Variants in PTAFR observed in about 807,000 individuals in gnomAD.
PTAFR encodes platelet-activating factor receptor.
Under a neutral mutation model 14.7 loss-of-function variants are expected in PTAFR, and 8 were observed. The ratio of observed to expected loss-of-function variants is 0.54; its 90% CI spans 0.32 to 0.98. The LOEUF is 0.98. PTAFR is among the 50% of genes least tolerant of loss of function. The pLI is 0.04. For missense variants in PTAFR, 337 were observed against 451.2 expected (o/e 0.75, Z 2.29); for synonymous variants, 156 against 176.5 (o/e 0.88, Z 0.92).
intron 1 of PTAFR, among the ~76,000 whole-genome samples, chr1:28,168,604 A>G (rs1356749942): frequency 6.6e-6 from 1 of 152,148 alleles, no homozygotes; most frequent in Non-Finnish European, 1.5e-5. Context: ...AGGGGCTGGG[A>G]GGAGGGGAAA....
intron 1 of PTAFR, among the ~76,000 whole-genome samples, chr1:28,170,876 T>G (rs748464993): frequency 2.6e-5 from 4 of 151,776 alleles, no homozygotes; most frequent in Non-Finnish European, 4.4e-5. Flanking sequence ...GGTGGGCGCC[T>G]GTAGTCCCAG....
intron 1 of PTAFR, among the ~76,000 whole-genome samples, chr1:28,154,497 C>A (rs996574302): frequency 1.3e-5 from 2 of 152,062 alleles, no homozygotes; most frequent in Admixed American, 1.3e-4. Context: ...AAACAAACAC[C>A]GTTGTTATAC....
At chr1:28,176,854 G>A (rs985403454), upstream of PTAFR, 13 of 153,172 alleles carry the variant, frequency 8.5e-5, no homozygotes, top group South Asian at 4.1e-4. Context: ...TGTAGACAGC[G>A]CCCGAGGCCA....
chr1:28,186,511 C>T (rs1646607948), intron 1 of PTAFR, among the ~76,000 whole-genome samples: 1 of 152,086 alleles, frequency 6.6e-6, no homozygotes, highest in Admixed American at 6.6e-5. Flanking sequence ...AATGAAAAAG[C>T]AAAGCGCCAA....
Position 28,151,064 on chromosome 1 carries a change from A to G in PTAFR, c.-38-5T>C. Reference sequence around the variant, plus strand: ...ATCAGCTGGTCCTGGTGGTGCCTGGAAGACCACACAAAAATTCTGGTTAAT... The same window carrying G: ...ATCAGCTGGTCCTGGTGGTGCCTGGGAGACCACACAAAAATTCTGGTTAAT... On this transcript the variant is annotated splice_polypyrimidine_tract_variant and splice_region_variant and intron_variant, in intron 1 of 1. Transcript: ENST00000373857. 6.8e-7 allele frequency: 1 copy of G among 1,477,878 alleles called. No individual in the cohort carries two copies. Among genetic ancestry groups the G allele is most frequent in the Non-Finnish European group, 9.1e-7 (1 of 1,095,810 alleles). 91.5% of individuals were successfully genotyped at this position (1,477,878 alleles called of 1,614,324 possible).
chr1:28,173,398 G>T (rs1010154506), intron 1 of PTAFR, among the ~76,000 whole-genome samples: 3 of 151,932 alleles, frequency 2.0e-5, no homozygotes, highest in Admixed American at 1.3e-4. Flanking sequence ...TTGAGCACGG[G>T]AGTTCAAGAC....
At chr1:28,168,278 G>T (rs1037842117) in intron 1 of PTAFR, among the ~76,000 whole-genome samples, 1 of 151,870 alleles carries the variant, frequency 6.6e-6, no homozygotes, top group Admixed American at 6.6e-5. Context: ...GCAGAAAACA[G>T]GATCTTGAAA....
chr1:28,192,391 C>A (rs542717517), intron 1 of PTAFR, among the ~76,000 whole-genome samples: 1 of 151,916 alleles, frequency 6.6e-6, no homozygotes, highest in East Asian at 2.0e-4. Flanking sequence ...GAAACCCCGT[C>A]TCTACAAAAA....
chr1:28,192,916 C>G (rs1183040483), intron 1 of PTAFR, among the ~76,000 whole-genome samples: 1 of 152,140 alleles, frequency 6.6e-6, no homozygotes, highest in Admixed American at 6.5e-5. Flanking sequence ...TCAGTGTGCT[C>G]TAAGTCCTAG....
At chr1:28,156,428 G>C (rs1456456034) in intron 1 of PTAFR, among the ~76,000 whole-genome samples, 1 of 152,142 alleles carries the variant, frequency 6.6e-6, no homozygotes, top group Non-Finnish European at 1.5e-5. Flanking sequence ...CTTCTATTTA[G>C]CCCAACATTA....
chr1:28,179,831 G>A (rs868748594), upstream of PTAFR, among the ~76,000 whole-genome samples: 24 of 151,188 alleles, frequency 1.6e-4, no homozygotes, highest in Admixed American at 4.6e-4. Context: ...AAAAAAAAAA[G>A]AAAATATGTC....
At chr1:28,154,105 A>G (rs1311345309) in intron 1 of PTAFR, among the ~76,000 whole-genome samples, 1 of 150,936 alleles carries the variant, frequency 6.6e-6, no homozygotes, top group African/African-American at 2.4e-5. Context: ...AAAAAAAAAA[A>G]AGGGAGTGAG....
In PTAFR at chr1:28,189,897, A is replaced by G. The variant is rs148979605; in HGVS notation, c.-39+3825T>C. ...GTCAGGCTGTTCTCTAAATCCTGGA[A>G]TCAAGTGATCTGCCTGCCTTAGTCT... On this transcript the variant is annotated intron_variant, in intron 1 of 1. Transcript: ENST00000305392. Among the ~76,000 whole-genome samples the G allele has an allele frequency of 1.4e-4, 21 of 152,166 alleles. No individual in the cohort carries two copies. In the East Asian group the frequency reaches 1.9e-3, roughly 14 times the overall value.
intron 1 of PTAFR, among the ~76,000 whole-genome samples, chr1:28,162,512 C>A (rs1447000559): frequency 2.0e-5 from 3 of 152,104 alleles, no homozygotes; most frequent in Non-Finnish European, 2.9e-5. Context: ...TTGGGTCCCA[C>A]CCCAGATCTC....
In PTAFR at chr1:28,149,944, C is replaced by T. The variant is rs1019046206; in HGVS notation, c.*49G>A. On this transcript the variant is annotated 3_prime_UTR_variant, in exon 2 of 2. Coordinates refer to ENST00000373857, the MANE Select transcript of PTAFR (RefSeq NM_000952.5). ...GTAGATATCCCTTCTTCCCCCAGCT[C>T]AGTCCATGATGTTCATGGAGGAGAA... 1 of 1,563,354 alleles carries T rather than the reference C, an allele frequency of 6.4e-7. No individual in the cohort carries two copies. The highest frequency in any genetic ancestry group is 1.2e-5 in the South Asian group (1 of 82,156).
chr1:28,158,474 T>C (rs761627036), intron 1 of PTAFR, among the ~76,000 whole-genome samples: 1 of 151,766 alleles, frequency 6.6e-6, no homozygotes, highest in South Asian at 2.1e-4. Flanking sequence ...CCGAAGCGGG[T>C]GGATCATCAG....
At chr1:28,184,644 T>A (rs1646591567) in intron 1 of PTAFR, among the ~76,000 whole-genome samples, 1 of 151,252 alleles carries the variant, frequency 6.6e-6, no homozygotes, top group Admixed American at 6.6e-5. Flanking sequence ...CCTTTTGTTT[T>A]TTTGTTTGTT....
rs1053983726 is a variant in PTAFR at position 28,150,741 on chromosome 1, C to A, written c.281G>T (p.Gly94Val). Residue 94 changes from glycine (G) to valine (V), a missense_variant, in exon 2 of 2, where the codon GGC (glycine) becomes GTC (valine). By Grantham distance (109) the Gly-to-Val change is moderately radical (BLOSUM62 -3). Transcript: ENST00000373857. The surrounding 1 kb of genome is among the most constrained non-coding windows in gnomAD (Gnocchi z 6.3). ...GTAGGTGTTGATGAAGAAAAGGCAG[C>A]CAGCCACGTTGCACAGGAATTTGGG... is the stretch of plus-strand genomic sequence containing the variant. ...ILPKFLCNVA[G>V]CLFFINTYCS... The A allele has an allele frequency of 1.9e-6, 3 of 1,614,116 alleles. No homozygotes were observed. The highest frequency in any genetic ancestry group is 2.5e-6 in the Non-Finnish European group (3 of 1,180,030).
At chr1:28,155,456 C>T (rs1030572284) in intron 1 of PTAFR, among the ~76,000 whole-genome samples, 1 of 152,180 alleles carries the variant, frequency 6.6e-6, no homozygotes, top group Admixed American at 6.5e-5. Context: ...TGATCCGCCA[C>T]CTCGGCCTCC....
Sources: gnomAD v4.1 joint callset for allele counts (sites outside exome capture counted in the v4.1 genomes callset) on GRCh38, gnomAD v4.1.1 for gene constraint, Gnocchi (gnomAD v3.1) non-coding constraint, MANE v1.5 for transcripts, NCBI Gene and HGNC (gene_info 2026-07-23, HGNC 2026-07-21) for gene names.